The following PTPN4 variants were observed in gnomAD, a reference collection of about 807,000 sequenced individuals.
PTPN4 encodes protein tyrosine phosphatase non-receptor type 4.
In PTPN4, 49 loss-of-function variants were observed where a neutral mutation model predicts 135.5. That is an observed-to-expected ratio of 0.36 (90% CI 0.29 to 0.46). PTPN4 has a LOEUF of 0.46. Ranked by LOEUF, PTPN4 falls within the 20% of genes least tolerant of loss-of-function variation. PTPN4 has a pLI of 1.00. For missense variants in PTPN4, 860 were observed against 1,101.0 expected (o/e 0.78, Z 3.10); for synonymous variants, 333 against 369.9 (o/e 0.90, Z 1.14).
At chr2:119,777,886 G>A (rs189201058) in intron 1 of PTPN4, among the ~76,000 whole-genome samples, 1 of 152,146 alleles carries the variant, frequency 6.6e-6, no homozygotes, top group African/African-American at 2.4e-5. Flanking sequence ...GGACTCCTGG[G>A]CTCAAAGGAT....
intron 12 of PTPN4, among the ~76,000 whole-genome samples, chr2:119,923,909 G>A (rs891514926): frequency 3.9e-5 from 6 of 152,028 alleles, no homozygotes; most frequent in Admixed American, 2.0e-4. Context: ...AGGTCGAGGC[G>A]GGCGGATCAC....
At chr2:119,788,880 G>A (rs1361979714) in intron 1 of PTPN4, among the ~76,000 whole-genome samples, 3 of 152,070 alleles carry the variant, frequency 2.0e-5, no homozygotes, top group Non-Finnish European at 4.4e-5. Flanking sequence ...TGTTGTGAAC[G>A]TGTGTACAAA....
chr2:119,887,901 A>G lies in PTPN4; in HGVS notation c.675+2019A>G, dbSNP rs565740957. ...TTTTAGGATTGTTTTTTCTAATTCTATGAAGAACGATGTTGGTATTTTGAT... is the reference window on the plus strand; with the variant it reads ...TTTTAGGATTGTTTTTTCTAATTCTGTGAAGAACGATGTTGGTATTTTGAT... On this transcript the variant is annotated intron_variant, in intron 9 of 26. Transcript: ENST00000263708. Among the ~76,000 whole-genome samples the G allele has an allele frequency of 7.9e-4, 120 of 152,184 alleles. 1 individual carries two copies. Among genetic ancestry groups the G allele is most frequent in the African/African-American group, 2.2e-3 (90 of 41,538 alleles).
At chr2:119,834,529 T>C (rs1677263178) in intron 2 of PTPN4, among the ~76,000 whole-genome samples, 1 of 152,084 alleles carries the variant, frequency 6.6e-6, no homozygotes, top group Admixed American at 6.6e-5. Context: ...AGGAAGTTGG[T>C]ATTTTAAAAT....
intron 5 of PTPN4, 32 bp downstream of exon 5, chr2:119,877,574 A>G (rs1558752137): frequency 2.6e-6 from 4 of 1,559,994 alleles, no homozygotes; most frequent in Non-Finnish European, 3.4e-6. Flanking sequence ...TCTTGAAAAT[A>G]TTGTCAAAAC....
chr2:119,841,445 T>C (rs1677379472), intron 2 of PTPN4, among the ~76,000 whole-genome samples: 1 of 152,220 alleles, frequency 6.6e-6, no homozygotes. Flanking sequence ...TTTTCCTCTT[T>C]CTGTATGCTT....
chr2:119,803,890 G>A (rs923376803), intron 1 of PTPN4, among the ~76,000 whole-genome samples: 8 of 151,830 alleles, frequency 5.3e-5, no homozygotes, highest in African/African-American at 1.9e-4. Context: ...TTATCATTAT[G>A]TAATGCCTAA....
chr2:119,808,787 T>TC (rs1243487964), intron 1 of PTPN4, among the ~76,000 whole-genome samples: 2 of 152,184 alleles, frequency 1.3e-5, no homozygotes, highest in African/African-American at 2.4e-5. Context: ...AAGACTTTTT[T>TC]CCCCTACATT....
At chr2:119,768,435 CTTT>C (rs1248766385) in intron 1 of PTPN4, among the ~76,000 whole-genome samples, 1 of 152,154 alleles carries the variant, frequency 6.6e-6, no homozygotes, top group African/African-American at 2.4e-5. Flanking sequence ...CATGTCATCA[CTTT>C]TAGGGGGATA....
rs1027570260 is a variant in PTPN4, at chr2:119,982,358, A to G, written c.*5288A>G. ...AAAATGAATGTATCTTTCAAATGTC[A>G]TTAGAATTATGGCTTGATTCTAAGG... On this transcript the variant is annotated 3_prime_UTR_variant, in exon 27 of 27. Transcript: ENST00000263708. 1 of 151,548 alleles carries G rather than the reference A, an allele frequency of 6.6e-6. No homozygotes were observed. Among genetic ancestry groups the G allele is most frequent in the African/African-American group, 2.4e-5 (1 of 41,430 alleles). 9.4% of individuals were successfully genotyped at this position (151,548 alleles called of 1,614,324 possible).
intron 24 of PTPN4, among the ~76,000 whole-genome samples, chr2:119,963,632 T>G (rs774621415): frequency 1.1e-4 from 17 of 152,164 alleles, no homozygotes; most frequent in Admixed American, 1.1e-3. Flanking sequence ...GTTGTGCTGA[T>G]TTATAGAAAA....
chr2:119,945,373 G>A, intron 16 of PTPN4, 133 bp downstream of exon 16: 1 of 768,616 alleles, frequency 1.3e-6, no homozygotes. Flanking sequence ...ATATTCTTTG[G>A]TCCTGAATTG....
At chr2:119,854,429 T>G (rs1677641766) in intron 2 of PTPN4, among the ~76,000 whole-genome samples, 1 of 152,196 alleles carries the variant, frequency 6.6e-6, no homozygotes, top group Admixed American at 6.5e-5. Context: ...AATAATTTCT[T>G]AATAACTCCC....
chr2:119,770,140 G>A (rs1300900644), intron 1 of PTPN4, among the ~76,000 whole-genome samples: 1 of 152,172 alleles, frequency 6.6e-6, no homozygotes, highest in African/African-American at 2.4e-5. Context: ...ACTGTGCTTG[G>A]CTGTGGGGAT....
At chr2:119,969,552 CTTT>C (rs35531556) in intron 26 of PTPN4, among the ~76,000 whole-genome samples, 1 of 113,862 alleles carries the variant, frequency 8.8e-6, no homozygotes, top group Admixed American at 1.1e-4. Context: ...TAATCAATTT[CTTT>C]TTTTTTTTTT....
At chr2:119,907,852 G>A (rs1030930109) in intron 10 of PTPN4, among the ~76,000 whole-genome samples, 5 of 152,084 alleles carry the variant, frequency 3.3e-5, no homozygotes, top group African/African-American at 1.2e-4. Flanking sequence ...ATAGAGTAGG[G>A]AACAGACACC....
At chr2:119,773,633 G>A (rs539983917) in intron 1 of PTPN4, among the ~76,000 whole-genome samples, 2 of 151,354 alleles carry the variant, frequency 1.3e-5, no homozygotes, top group South Asian at 4.2e-4. Flanking sequence ...CTACTCAGGA[G>A]ACTGAGGCAG....
chr2:119,847,327 TA>T (rs1438304369), intron 2 of PTPN4, among the ~76,000 whole-genome samples: 3,349 of 105,208 alleles, frequency 0.032, 191 homozygotes, highest in African/African-American at 0.11. Flanking sequence ...TATATATATA[TA>T]TTTTTTTTTT....
At chr2:119,942,109 C>A (rs1001311373) in intron 15 of PTPN4, among the ~76,000 whole-genome samples, 1 of 151,970 alleles carries the variant, frequency 6.6e-6, no homozygotes, top group African/African-American at 2.4e-5. Flanking sequence ...CAAAATTGGC[C>A]CATAATCCAT....
Sources: allele counts gnomAD v4.1 joint callset (sites outside exome capture counted in the v4.1 genomes callset), GRCh38; gene constraint gnomAD v4.1.1; transcripts MANE v1.5; gene names NCBI Gene and HGNC (gene_info 2026-07-23, HGNC 2026-07-21).